Variants in SLC4A3 observed in about 807,000 individuals in gnomAD.
The protein encoded by SLC4A3 is anion exchange protein 3.
In SLC4A3, 47 loss-of-function variants were observed where a neutral mutation model predicts 114.2. That is an observed-to-expected ratio of 0.41 (90% CI 0.33 to 0.52). SLC4A3 has a LOEUF of 0.52. Among genes scored for constraint, SLC4A3 ranks in the 20% least tolerant of loss-of-function variants. The probability of loss-of-function intolerance (pLI) is 0.21; values close to 1 mark genes in which losing one functional copy is unlikely to be tolerated. For synonymous variants in SLC4A3, 693 were observed against 710.3 expected (o/e 0.98, Z 0.39); for missense variants, 1,312 against 1,668.3 (o/e 0.79, Z 3.72).
In SLC4A3 at chr2:219,633,349, GAATCA is replaced by G. The variant is rs763056406; in HGVS notation, c.1354_1358del (p.Asn452SerfsTer9). On this transcript the variant is annotated frameshift_variant, in exon 10 of 23. Transcript: ENST00000358055. LOFTEE classifies it high-confidence loss of function. ...GCTCCAGCATGAACTCGGTTCTGGG[GAATCA>G]TCACCCAACTCCCAGCCATGGCCCT... The G allele has an allele frequency of 3.1e-6, 5 of 1,607,558 alleles. No individual in the cohort carries two copies.
chr2:219,634,314 A>G, intron 11 of SLC4A3, 106 bp from the exon 12 acceptor site: 6 of 1,120,232 alleles, frequency 5.4e-6, no homozygotes, highest in Non-Finnish European at 6.5e-6. Flanking sequence ...TTCTTTGCGC[A>G]GTTTACAACC....
In SLC4A3 at chr2:219,640,600, G is replaced by A. The variant is rs777121913; in HGVS notation, c.3447+1G>A. ...TCCTGAGCAGCCCTATGTGACCAAG[G>A]TAGGGCCGGGAAGCATGGGGGTAGG... is the stretch of plus-strand genomic sequence containing the variant. On this transcript the variant is annotated splice_donor_variant, in intron 21 of 22. Transcript: ENST00000358055. LOFTEE classifies it high-confidence loss of function. 1.2e-6 allele frequency: 2 copies of A among 1,613,658 alleles called. No homozygotes were observed. The highest frequency in any genetic ancestry group is 1.7e-6 in the Non-Finnish European group (2 of 1,179,704).
In SLC4A3 at chr2:219,632,366, G is replaced by A. The variant is rs1234185753; in HGVS notation, c.1065G>A (p.Thr355=). Residue 355 remains threonine (T), a synonymous_variant, in exon 8 of 23, where the codon ACG becomes ACA. Transcript: ENST00000358055. ...TTGAGGAGGACGTGGAGGAGGAGAC[G>A]GAGCGCTGGGGGAAGCCCCATGTTG... ...IKFEEDVEEE[T]ERWGKPHVAS... 6 of 1,613,978 alleles carry A rather than the reference G, an allele frequency of 3.7e-6. No homozygotes were observed. Among genetic ancestry groups the A allele is most frequent in the East Asian group, 4.5e-5 (2 of 44,880 alleles).
chr2:219,640,879 G>C lies in SLC4A3; in HGVS notation c.3538G>C (p.Ala1180Pro). The part of the protein sequence containing the change: ...WVVKSTAASL[A>P]FPFLLLLTVP... ...GGTCAAGTCCACGGCGGCCTCACTC[G>C]CCTTTCCCTTCCTGCTGCTGCTCAC... Residue 1180 changes from alanine to proline, a missense_variant, in exon 22 of 23, where the codon GCC becomes CCC. Coordinates refer to ENST00000358055, the MANE Select transcript of SLC4A3 (RefSeq NM_005070.4). 6.2e-7 allele frequency: 1 copy of C among 1,611,902 alleles called. No homozygotes were observed. The highest frequency in any genetic ancestry group is 8.5e-7 in the Non-Finnish European group (1 of 1,180,020).
At position 219,635,791 on chromosome 2, in the gene SLC4A3, C is replaced by T. The variant is rs1181988781; in HGVS notation, c.2091C>T (p.Pro697=). 1.3e-6 allele frequency: 2 copies of T among 1,594,812 alleles called. No homozygotes were observed. The highest frequency in any genetic ancestry group is 2.2e-5 in the East Asian group (1 of 44,590). ...RDVRRRYPHY[P]SDLRDALHSQ... ...TGAGGCGCCGGTACCCGCACTACCC[C>T]AGTGACCTGCGAGATGCGCTGCACT... Residue 697 remains proline (P), a synonymous_variant, in exon 14 of 23, where the codon CCC becomes CCT. Coordinates refer to ENST00000358055, the MANE Select transcript of SLC4A3 (RefSeq NM_005070.4).
Position 219,632,977 on chromosome 2 carries a change from C to T in SLC4A3, c.1245C>T (p.Ala415=), listed in dbSNP as rs1477269432. The part of the protein sequence containing the change: ...VSDQIRPEDR[A]SVLRTLLLKH... ...ACCAGATCCGGCCGGAGGACAGGGC[C>T]AGCGTCCTACGTACCCTGCTACTGA... The change falls in exon 9 of 23, where the codon GCC becomes GCT. Residue 415 remains alanine (A), a synonymous_variant. Transcript: ENST00000358055. The T allele has an allele frequency of 2.5e-6, 4 of 1,613,952 alleles. No individual in the cohort carries two copies. The highest frequency in any genetic ancestry group is 1.3e-5 in the African/African-American group (1 of 74,900).
chr2:219,628,508 G>A lies in SLC4A3; in HGVS notation c.155G>A (p.Ser52Asn). Residue 52 changes from serine (S) to asparagine (N), a missense_variant, in exon 3 of 23, where the codon AGC becomes AAC. Ser to Asn is a conservative substitution (Grantham distance 46, BLOSUM62 1). This residue lies in a region of SLC4A3 where 236 missense variants were observed against 212.1 expected (regional missense o/e 1.11). Transcript: ENST00000358055. The surrounding 1 kb of genome is among the most constrained non-coding windows in gnomAD (Gnocchi z 4.8). ...LAVSRFGDLI[S>N]KPPAWDPEKP... ...GTGAGCAGGTTTGGGGACCTCATCA[G>A]CAAGCCCCCGGCCTGGGACCCCGAG... The A allele has an allele frequency of 6.2e-7, 1 of 1,613,748 alleles. No homozygotes were observed. Among genetic ancestry groups the A allele is most frequent in the Non-Finnish European group, 8.5e-7 (1 of 1,179,896 alleles).
In SLC4A3 at chr2:219,635,748, G is replaced by A; in HGVS notation, c.2048G>A (p.Gly683Glu). The change falls in exon 14 of 23, where the codon GGG becomes GAG. Residue 683 changes from glycine (G) to glutamate (E), a missense_variant. By Grantham distance (98) the Gly-to-Glu change is moderately conservative. Around this residue, in one of 4 missense-constraint regions of SLC4A3, gnomAD observed 771 missense variants for 977.7 expected, o/e 0.79. Coordinates refer to ENST00000358055, the MANE Select transcript of SLC4A3 (RefSeq NM_005070.4). ...DPLLRTGSVF[G>E]GLVRDVRRRY... ...TTGCTGCGGACGGGCTCGGTATTTG[G>A]GGGGCTTGTGCGGGATGTGAGGCGC... 1.3e-6 allele frequency: 2 copies of A among 1,596,122 alleles called. No homozygotes were observed. Among genetic ancestry groups the A allele is most frequent in the Non-Finnish European group, 1.7e-6 (2 of 1,173,884 alleles).
chr2:219,637,257 T>TTGTG lies in SLC4A3; in HGVS notation c.2536-315_2536-312dup, dbSNP rs1175173248. Among the ~76,000 whole-genome samples, 2 of 150,464 alleles carry TTGTG rather than the reference T, an allele frequency of 1.3e-5. No individual in the cohort carries two copies. Among genetic ancestry groups the TTGTG allele is most frequent in the Non-Finnish European group, 3.0e-5 (2 of 67,414 alleles). ...TGGTGTGTTGTGTGTGATGTATGTGTTGTGTGTGTGTGCGTGTGTGTGCCT... is the reference window on the plus strand; with the variant it reads ...TGGTGTGTTGTGTGTGATGTATGTGTTGTGTGTGTGTGTGTGCGTGTGTGTGCCT... On this transcript the variant is annotated intron_variant, in intron 16 of 22. Coordinates refer to ENST00000358055, the MANE Select transcript of SLC4A3 (RefSeq NM_005070.4). The surrounding 1 kb of genome is among the most constrained non-coding windows in gnomAD (Gnocchi z 4.6).
At position 219,639,766 on chromosome 2, in the gene SLC4A3, C is replaced by T. The variant is rs1461813368; in HGVS notation, c.3277+31C>T. 2 of 1,594,284 alleles carry T rather than the reference C, an allele frequency of 1.3e-6. No homozygotes were observed. The highest frequency in any genetic ancestry group is 1.7e-6 in the Non-Finnish European group (2 of 1,175,296). On this transcript the variant is annotated intron_variant, in intron 20 of 22. Coordinates refer to ENST00000358055, the MANE Select transcript of SLC4A3 (RefSeq NM_005070.4). This position sits in a 1 kb window ranked among gnomAD's most constrained non-coding sequence, Gnocchi z 5.9. ...AGCCCGCCTCCACCCTGCACACCCCCTTCCTTGGGCCCCACGGTCTTACAT... is the reference window on the plus strand; with the variant it reads ...AGCCCGCCTCCACCCTGCACACCCCTTTCCTTGGGCCCCACGGTCTTACAT...
rs1699291863 is a variant in SLC4A3, at chr2:219,640,596, C to T, written c.3444C>T (p.Thr1148=). The change falls in exon 21 of 23, where the codon ACC becomes ACT. Residue 1148 remains threonine, a synonymous_variant. Transcript: ENST00000358055. The stretch of plus-strand genomic sequence containing the variant: ...ACCATCCTGAGCAGCCCTATGTGAC[C>T]AAGGTAGGGCCGGGAAGCATGGGGG... ...AKHHPEQPYV[T]KVKTWRMHLF... The T allele has an allele frequency of 6.2e-7, 1 of 1,613,596 alleles. No homozygotes were observed. The highest frequency in any genetic ancestry group is 8.5e-7 in the Non-Finnish European group (1 of 1,179,702).
chr2:219,640,929 GC>G lies in SLC4A3; in HGVS notation c.3592del (p.Arg1198GlyfsTer38). 6.2e-7 allele frequency: 1 copy of G among 1,608,772 alleles called. No individual in the cohort carries two copies. ...LTVPLRHCLL[P>X]RLFQDRELQA... is the part of the protein sequence containing the mutation. ...CGGTGCCTCTGAGGCATTGCCTTCT[GC>G]CCCGGCTCTTCCAGGACAGGGAGCT... On this transcript the variant is annotated frameshift_variant, in exon 22 of 23. Coordinates refer to ENST00000358055, the MANE Select transcript of SLC4A3 (RefSeq NM_005070.4). LOFTEE classifies it high-confidence loss of function.
Position 219,628,001 on chromosome 2 carries a change from C to A in SLC4A3, c.9C>A (p.Asn3Lys). 6.9e-6 allele frequency: 11 copies of A among 1,598,708 alleles called. No homozygotes were observed. The highest frequency in any genetic ancestry group is 9.4e-6 in the Non-Finnish European group (11 of 1,173,952). ...CAGCCGCCTACCTGGCCATGGCCAACGGAGTGATCCCGCCGCCCGGGGGCG... is the reference window on the plus strand; with the variant it reads ...CAGCCGCCTACCTGGCCATGGCCAAAGGAGTGATCCCGCCGCCCGGGGGCG... MA[N>K]GVIPPPGGAS... is the part of the protein sequence containing the mutation. Residue 3 changes from asparagine to lysine, a missense_variant, in exon 2 of 23, where the codon AAC (asparagine) becomes AAA (lysine). By Grantham distance (94) the Asn-to-Lys change is moderately conservative. This residue lies in a region of SLC4A3 where 236 missense variants were observed against 212.1 expected (regional missense o/e 1.11). Transcript: ENST00000358055. This position sits in a 1 kb window ranked among gnomAD's most constrained non-coding sequence, Gnocchi z 4.8.
rs1574643389 is a variant in SLC4A3, at chr2:219,628,818, G to A, written c.217+248G>A. ...GGGAGCTGGGCCTGGGCCCTTCCACGGTGACCTTCCCCTTCCCCTTCGTCC... is the reference window on the plus strand; with the variant it reads ...GGGAGCTGGGCCTGGGCCCTTCCACAGTGACCTTCCCCTTCCCCTTCGTCC... On this transcript the variant is annotated intron_variant, in intron 3 of 22. Transcript: ENST00000358055. This position sits in a 1 kb window ranked among gnomAD's most constrained non-coding sequence, Gnocchi z 4.8. 1.7e-6 allele frequency: 1 copy of A among 589,772 alleles called. No individual in the cohort carries two copies. 36.5% of individuals were successfully genotyped at this position (589,772 alleles called of 1,614,324 possible). A position where few individuals can be genotyped will look rare whatever the true frequency, so the allele number is the denominator to read the frequency against.
intron 1 of SLC4A3, 57 bp from the exon 2 acceptor site, chr2:219,627,843 C>G: frequency 1.6e-6 from 1 of 609,960 alleles, no homozygotes; most frequent in Non-Finnish European, 2.8e-6. Flanking sequence ...AGCGTGCATC[C>G]GGCTCCCGGG....
intron 21 of SLC4A3, 58 bp downstream of exon 21, chr2:219,640,657 G>C: frequency 6.3e-7 from 1 of 1,585,024 alleles, no homozygotes; most frequent in Non-Finnish European, 8.6e-7. Flanking sequence ...GATCCAGAGG[G>C]ATCTGGGAGC....
chr2:219,628,265 T>C lies in SLC4A3; in HGVS notation c.52-140T>C. 1.0e-6 allele frequency: 1 copy of C among 968,512 alleles called. No individual in the cohort carries two copies. The highest frequency in any genetic ancestry group is 1.5e-6 in the Non-Finnish European group (1 of 663,752). 60.0% of individuals were successfully genotyped at this position (968,512 alleles called of 1,614,324 possible). ...CCAGAGAGGGTGGTTTCTGGGATGC[T>C]GACACAGGCCTGGGAGCAAGGGGAG... On this transcript the variant is annotated intron_variant, in intron 2 of 22. Coordinates refer to ENST00000358055, the MANE Select transcript of SLC4A3 (RefSeq NM_005070.4). This position sits in a 1 kb window ranked among gnomAD's most constrained non-coding sequence, Gnocchi z 4.8.
rs368632131 is a variant in SLC4A3 at position 219,627,982 on chromosome 2, C to T, written c.-11C>T. On this transcript the variant is annotated 5_prime_UTR_variant, in exon 2 of 23. Transcript: ENST00000358055. ...TAGTGAGCGAGAGCGTCCCCAGCCG[C>T]CTACCTGGCCATGGCCAACGGAGTG... The T allele has an allele frequency of 1.7e-4, 278 of 1,601,066 alleles. No homozygotes were observed. Among genetic ancestry groups the T allele is most frequent in the Non-Finnish European group, 2.3e-4 (272 of 1,174,782 alleles).
At position 219,627,928 on chromosome 2, in the gene SLC4A3, C is replaced by A; in HGVS notation, c.-65C>A. On this transcript the variant is annotated 5_prime_UTR_variant, in exon 2 of 23. Coordinates refer to ENST00000358055, the MANE Select transcript of SLC4A3 (RefSeq NM_005070.4). ...TCCCCGCTAGGCCCCCTCAGTGGCC[C>A]CTCCTTCTCACCTGGGTCTCGGGTC... is the stretch of plus-strand genomic sequence containing the variant. The A allele has an allele frequency of 7.1e-7, 1 of 1,414,170 alleles. No individual in the cohort carries two copies. The highest frequency in any genetic ancestry group is 9.8e-7 in the Non-Finnish European group (1 of 1,016,312). 87.6% of individuals were successfully genotyped at this position (1,414,170 alleles called of 1,614,324 possible). A position where few individuals can be genotyped will look rare whatever the true frequency, so the allele number is the denominator to read the frequency against.
Sources: allele counts gnomAD v4.1 joint callset (sites outside exome capture counted in the v4.1 genomes callset), GRCh38; gene constraint gnomAD v4.1.1; regional missense constraint gnomAD v4.1.1; non-coding constraint Gnocchi (gnomAD v3.1); transcripts MANE v1.5; gene names NCBI Gene and HGNC (gene_info 2026-07-23, HGNC 2026-07-21).